TTC28: variants seen among roughly 807,000 people sequenced by gnomAD.
TTC28 encodes tetratricopeptide repeat protein 28.
A neutral mutation model predicts 198.0 loss-of-function variants in TTC28; 61 were observed. The ratio of observed to expected loss-of-function variants is 0.31; its 90% CI spans 0.25 to 0.38. The LOEUF (loss-of-function observed/expected upper bound fraction) is 0.38, where lower values mean the gene tolerates loss of function less well. Ranked by LOEUF, TTC28 falls within the 10% of genes least tolerant of loss-of-function variation. TTC28 has a pLI of 1.00. For missense variants in TTC28, 2,678 were observed against 3,164.0 expected, an observed-to-expected ratio of 0.85 and a Z score of 3.69; for synonymous variants, 1,171 against 1,297.8, an observed-to-expected ratio of 0.90 and a Z score of 2.10.
chr22:28,654,806 C>T (rs2146268558), intron 1 of TTC28, among the ~76,000 whole-genome samples: 1 of 152,270 alleles, frequency 6.6e-6, no homozygotes, highest in Admixed American at 6.5e-5. Flanking sequence ...AAGCTAAATG[C>T]CCTAACTTCC....
intron 5 of TTC28, among the ~76,000 whole-genome samples, chr22:28,203,667 T>A (rs767999883): frequency 2.0e-5 from 3 of 152,128 alleles, no homozygotes; most frequent in Non-Finnish European, 4.4e-5. Flanking sequence ...GCAGAAGATT[T>A]TTTAAAGCTT....
chr22:28,441,211 T>A (rs932617391), intron 2 of TTC28, among the ~76,000 whole-genome samples: 1 of 152,198 alleles, frequency 6.6e-6, no homozygotes, highest in Non-Finnish European at 1.5e-5. Context: ...CATAACCACA[T>A]GAGTTACTGC....
chr22:28,638,266 T>G (rs1006473915), intron 1 of TTC28, among the ~76,000 whole-genome samples: 1 of 152,018 alleles, frequency 6.6e-6, no homozygotes, highest in Non-Finnish European at 1.5e-5. Flanking sequence ...TATTATAAAT[T>G]TTGATTATTC....
intron 2 of TTC28, among the ~76,000 whole-genome samples, chr22:28,386,274 CAAAAAAAAAAAAAAAAAAAAA>C (rs71194764): frequency 5.7e-5 from 3 of 52,222 alleles, no homozygotes; most frequent in South Asian, 1.8e-3. Flanking sequence ...GACTCCGTCT[CAAAAAAAAAAAAAAAAAAAAA>C]AAAAAAAAAA....
chr22:28,480,969 GATT>G (rs1338660067), intron 2 of TTC28, among the ~76,000 whole-genome samples: 1 of 152,092 alleles, frequency 6.6e-6, no homozygotes, highest in African/African-American at 2.4e-5. Flanking sequence ...ATAAACTGAT[GATT>G]ATCAAGGTTA....
intron 6 of TTC28, among the ~76,000 whole-genome samples, chr22:28,114,412 T>C (rs151031617): frequency 9.2e-5 from 14 of 152,234 alleles, no homozygotes; most frequent in African/African-American, 3.4e-4. Flanking sequence ...ACAGACCTGG[T>C]TAGTAAACAG....
At chr22:28,165,124 G>C (rs1462782970) in intron 5 of TTC28, among the ~76,000 whole-genome samples, 2 of 152,116 alleles carry the variant, frequency 1.3e-5, no homozygotes, top group African/African-American at 4.8e-5. Flanking sequence ...GAGAAGTTTA[G>C]AGAAAAAAGA....
intron 6 of TTC28, among the ~76,000 whole-genome samples, chr22:28,111,082 C>G (rs1942467954): frequency 6.6e-6 from 1 of 151,992 alleles, no homozygotes; most frequent in Non-Finnish European, 1.5e-5. Flanking sequence ...AAACATATAG[C>G]ATAAAATGTA....
chr22:28,566,661 T>A (rs2049974528), intron 2 of TTC28, among the ~76,000 whole-genome samples: 1 of 151,932 alleles, frequency 6.6e-6, no homozygotes, highest in African/African-American at 2.4e-5. Context: ...TATCCTCAGA[T>A]AAGACACTGC....
At chr22:28,358,239 ACTGT>A (rs753971266) in intron 2 of TTC28, among the ~76,000 whole-genome samples, 3 of 152,164 alleles carry the variant, frequency 2.0e-5, no homozygotes, top group Admixed American at 6.5e-5. Context: ...GACCCTTCAC[ACTGT>A]CTGATCACCC....
chr22:28,299,533 GT>G (rs1453554330), intron 3 of TTC28, among the ~76,000 whole-genome samples: 7 of 152,106 alleles, frequency 4.6e-5, no homozygotes, highest in Non-Finnish European at 1.0e-4. Flanking sequence ...AACCAATGGG[GT>G]TAAGTACAGG....
intron 2 of TTC28, among the ~76,000 whole-genome samples, chr22:28,537,323 T>TC (rs1569009179): frequency 9.3e-5 from 13 of 140,282 alleles, no homozygotes; most frequent in Admixed American, 9.2e-4. Flanking sequence ...TAAAATAAAA[T>TC]AAAATAAAAT....
At chr22:28,060,831 C>T (rs1462054354) in intron 12 of TTC28, among the ~76,000 whole-genome samples, 1 of 151,816 alleles carries the variant, frequency 6.6e-6, no homozygotes, top group African/African-American at 2.4e-5. Flanking sequence ...GTTTACAGTA[C>T]ACCAACAGTG....
At chr22:28,468,690 ATTTTT>A (rs35984422) in intron 2 of TTC28, among the ~76,000 whole-genome samples, 14 of 122,294 alleles carry the variant, frequency 1.1e-4, no homozygotes, top group East Asian at 2.5e-4. Flanking sequence ...CGCCCGGCTA[ATTTTT>A]TTTTTTTTTT....
At chr22:28,620,757 C>T (rs576713762) in intron 2 of TTC28, among the ~76,000 whole-genome samples, 1 of 152,294 alleles carries the variant, frequency 6.6e-6, no homozygotes, top group African/African-American at 2.4e-5. Context: ...GGCCAAAGAA[C>T]AATAACATCT....
At chr22:28,187,355 CAG>C in intron 5 of TTC28, among the ~76,000 whole-genome samples, 1 of 152,246 alleles carries the variant, frequency 6.6e-6, no homozygotes. Context: ...TTAAAAAACA[CAG>C]AATCTTTATT....
At chr22:28,306,678 T>G in intron 2 of TTC28, 35 bp from the exon 3 acceptor site, 2 of 1,548,682 alleles carry the variant, frequency 1.3e-6, no homozygotes, top group Non-Finnish European at 1.7e-6. Context: ...ATATAATGCC[T>G]GTGCTCCAAC....
intron 2 of TTC28, among the ~76,000 whole-genome samples, chr22:28,580,299 C>T (rs1429914307): frequency 6.6e-6 from 1 of 152,184 alleles, no homozygotes; most frequent in Non-Finnish European, 1.5e-5. Flanking sequence ...TACTATCTCC[C>T]TTACCTCCCT....
intron 6 of TTC28, among the ~76,000 whole-genome samples, chr22:28,114,579 ATT>A (rs68190158): frequency 9.7e-4 from 134 of 138,822 alleles, no homozygotes; most frequent in African/African-American, 1.1e-3. Context: ...AAAGGTATAG[ATT>A]TTTTTTTTTT....
Sources: allele counts gnomAD v4.1 joint callset (sites outside exome capture counted in the v4.1 genomes callset), GRCh38; gene constraint gnomAD v4.1.1; transcripts MANE v1.5; gene names NCBI Gene and HGNC (gene_info 2026-07-23, HGNC 2026-07-21).